The following FCRL3 variants were observed in gnomAD, a reference collection of about 807,000 sequenced individuals.
FCRL3 encodes Fc receptor-like protein 3.
FCRL3 carries 89 observed loss-of-function variants against 75.0 expected under a neutral mutation model. That is an observed-to-expected ratio of 1.19 (90% CI 1.00 to 1.42). FCRL3 has a LOEUF of 1.42. FCRL3 is among the 40% of genes most tolerant of loss of function. The pLI is 0.00. For missense variants in FCRL3, 946 were observed against 880.0 expected, an observed-to-expected ratio of 1.07 and a Z score of -0.95; for synonymous variants, 376 against 348.5, an observed-to-expected ratio of 1.08 and a Z score of -0.88.
rs1474926620 is a variant in FCRL3 at position 157,677,609 on chromosome 1, A to G, written c.*1101T>C. On this transcript the variant is annotated 3_prime_UTR_variant, in exon 15 of 15. Transcript: ENST00000368184. ...AGAGTTTTTGATGGTGATAGCTAGG[A>G]AAACATTAAGCCAGATATTTTACAC... is the stretch of plus-strand genomic sequence containing the variant. The G allele has an allele frequency of 6.1e-6, 6 of 985,282 alleles. No homozygotes were observed. Among genetic ancestry groups the G allele is most frequent in the Non-Finnish European group, 7.2e-6 (6 of 829,798 alleles). 61.0% of individuals were successfully genotyped at this position (985,282 alleles called of 1,614,324 possible).
At position 157,697,129 on chromosome 1, in the gene FCRL3, T is replaced by A. The variant is rs1655963406; in HGVS notation, c.844+11A>T. ...CTCTGACTCTGGAAGAGCAGCCCCT[T>A]AGACACTCACTCTGTACACGTATCT... On this transcript the variant is annotated intron_variant, in intron 6 of 14. Coordinates refer to ENST00000368184, the MANE Select transcript of FCRL3 (RefSeq NM_052939.4). 1 of 1,444,992 alleles carries A rather than the reference T, an allele frequency of 6.9e-7. No individual in the cohort carries two copies. Among genetic ancestry groups the A allele is most frequent in the Admixed American group, 2.4e-5 (1 of 41,068 alleles). 89.5% of individuals were successfully genotyped at this position (1,444,992 alleles called of 1,614,324 possible).
intron 10 of FCRL3, among the ~76,000 whole-genome samples, chr1:157,685,824 T>C (rs900933349): frequency 1.3e-5 from 2 of 151,846 alleles, no homozygotes; most frequent in African/African-American, 4.8e-5. Flanking sequence ...TACATGGAAA[T>C]TAGACAACTT....
Position 157,676,675 on chromosome 1 carries a change from C to G in FCRL3, c.*2035G>C. The G allele has an allele frequency of 6.5e-7, 1 of 1,530,224 alleles. No individual in the cohort carries two copies. Among genetic ancestry groups the G allele is most frequent in the Non-Finnish European group, 8.9e-7 (1 of 1,128,684 alleles). The allele number at this position is 1,530,224 out of a possible 1,614,324, so 94.8% of individuals were successfully genotyped here. A position where few individuals can be genotyped will look rare whatever the true frequency, so the allele number is the denominator to read the frequency against. On this transcript the variant is annotated 3_prime_UTR_variant, in exon 15 of 15. Coordinates refer to ENST00000368184, the MANE Select transcript of FCRL3 (RefSeq NM_052939.4). Reference sequence around the variant, plus strand: ...ATCCGAGATGTACAGTTAGGACTCACCCCTTCTTCCACTCACATACTCTGA... The same window carrying G: ...ATCCGAGATGTACAGTTAGGACTCAGCCCTTCTTCCACTCACATACTCTGA...
rs1654516504 is a variant in FCRL3 at position 157,677,222 on chromosome 1, G to A, written c.*1488C>T. 1 of 1,005,732 alleles carries A rather than the reference G, an allele frequency of 9.9e-7. No individual in the cohort carries two copies. The highest frequency in any genetic ancestry group is 1.2e-6 in the Non-Finnish European group (1 of 841,186). 62.3% of individuals were successfully genotyped at this position (1,005,732 alleles called of 1,614,324 possible). A position where few individuals can be genotyped will look rare whatever the true frequency, so the allele number is the denominator to read the frequency against. ...ATGGAGGACAAAAGTGCCTTCTGGT[G>A]AAACTCAGCTTCCATAGTGATGGAA... On this transcript the variant is annotated 3_prime_UTR_variant, in exon 15 of 15. Transcript: ENST00000368184.
intron 8 of FCRL3, among the ~76,000 whole-genome samples, chr1:157,690,824 GGTT>G (rs1306283250): frequency 6.6e-6 from 1 of 151,992 alleles, no homozygotes; most frequent in Non-Finnish European, 1.5e-5. Context: ...TATAAAAATT[GGTT>G]ATTATTATTG....
chr1:157,684,484 C>T (rs1177034396), intron 10 of FCRL3, among the ~76,000 whole-genome samples: 3 of 152,120 alleles, frequency 2.0e-5, no homozygotes, highest in Admixed American at 6.5e-5. Context: ...AGTCAATAAC[C>T]AGTATCTTTT....
Position 157,677,120 on chromosome 1 carries a change from C to T in FCRL3, c.*1590G>A. The T allele has an allele frequency of 9.4e-7, 1 of 1,069,360 alleles. No individual in the cohort carries two copies. The highest frequency in any genetic ancestry group is 1.1e-6 in the Non-Finnish European group (1 of 877,524). The allele number at this position is 1,069,360 out of a possible 1,614,324, so 66.2% of individuals were successfully genotyped here. A position where few individuals can be genotyped will look rare whatever the true frequency, so the allele number is the denominator to read the frequency against. ...AAGGCCAGGATAAGGGTAACAGAGG[C>T]CAGTGGGAGCAGTGTGGATTGATCA... On this transcript the variant is annotated 3_prime_UTR_variant, in exon 15 of 15. Transcript: ENST00000368184.
At position 157,694,642 on chromosome 1, in the gene FCRL3, G is replaced by T. The variant is rs1655770598; in HGVS notation, c.1411+687C>A. Among the ~76,000 whole-genome samples, 3 of 152,138 alleles carry T rather than the reference G, an allele frequency of 2.0e-5. No homozygotes were observed. The South Asian group carries it at 6.2e-4, about 32-fold the overall frequency. On this transcript the variant is annotated intron_variant, in intron 8 of 14. Coordinates refer to ENST00000368184, the MANE Select transcript of FCRL3 (RefSeq NM_052939.4). ...CTGGAGGTTCTCTTCTAAATGATTG[G>T]GCACATTGCTAATTGTTCTTAGGGG... is the stretch of plus-strand genomic sequence containing the variant.
rs763652424 is a variant in FCRL3 at position 157,695,329 on chromosome 1, C to T, written c.1411G>A (p.Val471Ile). ...ACTGCTGTGGGTATATCTTGCTTAC[C>T]TGTGACCCTGAGACTCACTCCATGA... ...HSHGVSLRVT[V>I]PVSRPVLTLR... The change falls in exon 8 of 15, where the codon GTT becomes ATT. Residue 471 changes from valine (V) to isoleucine (I), a missense_variant and splice_region_variant. Physicochemically the swap from Val to Ile is conservative, Grantham distance 29. Transcript: ENST00000368184. 27 of 1,612,070 alleles carry T rather than the reference C, an allele frequency of 1.7e-5. 1 individual carries two copies. In the South Asian group the frequency reaches 2.9e-4, roughly 17 times the overall value.
At position 157,699,582 on chromosome 1, in the gene FCRL3, A is replaced by G. The variant is rs554701179; in HGVS notation, c.52+110T>C. 4.7e-4 allele frequency: 530 copies of G among 1,125,898 alleles called. 1 individual carries two copies. The highest frequency in any genetic ancestry group is 3.2e-3 in the Middle Eastern group (12 of 3,740). 69.7% of individuals were successfully genotyped at this position (1,125,898 alleles called of 1,614,324 possible). A position where few individuals can be genotyped will look rare whatever the true frequency, so the allele number is the denominator to read the frequency against. On this transcript the variant is annotated intron_variant, in intron 3 of 14. Coordinates refer to ENST00000368184, the MANE Select transcript of FCRL3 (RefSeq NM_052939.4). ...AATATAGTAGCAGATGTGACCCCAG[A>G]GCATTAGCATTGCTGATGGGATGCG...
Position 157,677,425 on chromosome 1 carries a change from C to T in FCRL3, c.*1285G>A. Reference sequence around the variant, plus strand: ...CCAAGTGAAGGCCTAGAATTGGCAACATTCAGAGATTAATGTTAATATAAT... The same window carrying T: ...CCAAGTGAAGGCCTAGAATTGGCAATATTCAGAGATTAATGTTAATATAAT... On this transcript the variant is annotated 3_prime_UTR_variant, in exon 15 of 15. Transcript: ENST00000368184. The T allele has an allele frequency of 1.0e-6, 1 of 985,442 alleles. No homozygotes were observed. The highest frequency in any genetic ancestry group is 1.2e-6 in the Non-Finnish European group (1 of 829,986). The allele number at this position is 985,442 out of a possible 1,614,324, so 61.0% of individuals were successfully genotyped here.
intron 10 of FCRL3, 90 bp downstream of exon 10, chr1:157,689,708 A>C: frequency 6.5e-7 from 1 of 1,542,512 alleles, no homozygotes; most frequent in Non-Finnish European, 8.8e-7. Flanking sequence ...CTTGGAAGGG[A>C]ATACTTGACC....
In FCRL3 at chr1:157,698,341, TGCCTGGTG is replaced by T; in HGVS notation, c.298+35_298+42del. 3 of 1,609,934 alleles carry T rather than the reference TGCCTGGTG, an allele frequency of 1.9e-6. No homozygotes were observed. The South Asian group carries it at 3.3e-5, about 18-fold the overall frequency. On this transcript the variant is annotated intron_variant, in intron 4 of 14. Coordinates refer to ENST00000368184, the MANE Select transcript of FCRL3 (RefSeq NM_052939.4). ...GCATTAACCCGGCCCTCAGGCATTC[TGCCTGGTG>T]GCTTGACTTTAGACACTCCCCTTCC...
chr1:157,690,999 C>CCATGTATGTATGTATG (rs1655496716), intron 8 of FCRL3, among the ~76,000 whole-genome samples: 1 of 148,882 alleles, frequency 6.7e-6, no homozygotes, highest in African/African-American at 2.5e-5. Context: ...TGACATCTGT[C>CCATGTATGTATGTATG]TATGTATGTA....
At chr1:157,692,825 T>C (rs150738599) in intron 8 of FCRL3, among the ~76,000 whole-genome samples, 1 of 152,216 alleles carries the variant, frequency 6.6e-6, no homozygotes, top group Non-Finnish European at 1.5e-5. Flanking sequence ...ATGGAGATAA[T>C]ATTTTGGAAA....
At chr1:157,680,895 T>A (rs956852890) in intron 12 of FCRL3, 86 bp downstream of exon 12, 3 of 1,447,752 alleles carry the variant, frequency 2.1e-6, no homozygotes, top group South Asian at 1.3e-5. Context: ...ATTTTTAAAT[T>A]TGTGACAGGG....
At chr1:157,686,446 T>C (rs1655182259) in intron 10 of FCRL3, among the ~76,000 whole-genome samples, 1 of 152,082 alleles carries the variant, frequency 6.6e-6, no homozygotes, top group South Asian at 2.1e-4. Flanking sequence ...TATTTTAAAA[T>C]TCATATGGAA....
intron 11 of FCRL3, among the ~76,000 whole-genome samples, chr1:157,682,451 T>C (rs1654912794): frequency 6.6e-6 from 1 of 152,210 alleles, no homozygotes; most frequent in Non-Finnish European, 1.5e-5. Context: ...CAGTTTCAGC[T>C]TTCTACATAT....
chr1:157,686,602 C>G (rs115346257), intron 10 of FCRL3, among the ~76,000 whole-genome samples: 1 of 151,806 alleles, frequency 6.6e-6, no homozygotes, highest in Non-Finnish European at 1.5e-5. Context: ...CATAGACCAA[C>G]GGAATGGAAT....
Sources: gnomAD v4.1 joint callset for allele counts (sites outside exome capture counted in the v4.1 genomes callset) on GRCh38, gnomAD v4.1.1 for gene constraint, MANE v1.5 for transcripts, NCBI Gene and HGNC (gene_info 2026-07-23, HGNC 2026-07-21) for gene names.